The following ACACA variants were observed in gnomAD, a reference collection of about 807,000 sequenced individuals.
ACACA encodes acetyl-CoA carboxylase 1.
ACACA carries 103 observed loss-of-function variants against 296.1 expected under a neutral mutation model. That is an observed-to-expected ratio of 0.35 (90% confidence interval 0.30 to 0.41). ACACA has a LOEUF of 0.41. Ranked by LOEUF, ACACA falls within the 10% of genes least tolerant of loss-of-function variation. The pLI, the probability that ACACA is intolerant of heterozygous loss-of-function variation, is 1.00. For missense variants in ACACA, 1,554 were observed against 2,989.7 expected (o/e 0.52, Z 11.20); for synonymous variants, 953 against 1,038.6 (o/e 0.92, Z 1.58).
chr17:37,336,002 T>G (rs1323995081), intron 2 of ACACA, among the ~76,000 whole-genome samples: 1 of 152,110 alleles, frequency 6.6e-6, no homozygotes, highest in African/African-American at 2.4e-5. Flanking sequence ...AGCCAATGGA[T>G]GCCCTGGATT....
In ACACA at chr17:37,283,320, C is replaced by T. The variant is rs1373213430; in HGVS notation, c.557G>A (p.Arg186His). ...RWSYEMFRNE[R>H]AIRFVVMVTP... ...GACCATGACAACGAATCTAATTGCA[C>T]GTTCATTTCGAAACATTTCATAAGA... Residue 186 changes from arginine (R) to histidine (H), a missense_variant, in exon 5 of 56, where the codon CGT becomes CAT. Coordinates refer to ENST00000616317, the MANE Select transcript of ACACA (RefSeq NM_198834.3). 1 of 1,614,066 alleles carries T rather than the reference C, an allele frequency of 6.2e-7. No homozygotes were observed. Among genetic ancestry groups the T allele is most frequent in the Admixed American group, 1.7e-5 (1 of 60,008 alleles).
intron 48 of ACACA, chr17:37,122,930 T>C (rs2074598809): frequency 2.1e-6 from 1 of 476,408 alleles, no homozygotes; most frequent in South Asian, 2.1e-5. Context: ...CTAGCACATA[T>C]ACACATCCCT....
In ACACA at chr17:37,364,391, C is replaced by T. The variant is rs1033229870; in HGVS notation, c.39-24541G>A. ...GGCGGATCACCTGAGGTCAGGAGTT[C>T]GAGACCAGGCTGGCCAACGTGGCAA... On this transcript the variant is annotated intron_variant, in intron 1 of 55. Transcript: ENST00000616317. 2.0e-5 allele frequency among the ~76,000 whole-genome samples: 3 copies of T among 152,078 alleles called. No homozygotes were observed. The East Asian group carries it at 5.8e-4, about 29-fold the overall frequency.
At chr17:37,250,170 T>G (rs188606813) in intron 16 of ACACA, among the ~76,000 whole-genome samples, 14 of 152,332 alleles carry the variant, frequency 9.2e-5, no homozygotes, top group African/African-American at 3.4e-4. Flanking sequence ...ATATATATGT[T>G]CATGTAAGTT....
intron 1 of ACACA, among the ~76,000 whole-genome samples, chr17:37,393,474 CT>C (rs1435265124): frequency 6.6e-6 from 1 of 152,100 alleles, no homozygotes; most frequent in Non-Finnish European, 1.5e-5. Context: ...CTGAATGTCC[CT>C]TAATCCTGAA....
intron 1 of ACACA, among the ~76,000 whole-genome samples, chr17:37,381,874 G>A (rs755141492): frequency 2.2e-4 from 33 of 151,392 alleles, no homozygotes; most frequent in Admixed American, 7.2e-4. Flanking sequence ...TGATCTGCCC[G>A]CCTTGGCCTC....
chr17:37,215,943 A>G (rs1256019514), intron 29 of ACACA, among the ~76,000 whole-genome samples: 1 of 152,080 alleles, frequency 6.6e-6, no homozygotes, highest in Non-Finnish European at 1.5e-5. Flanking sequence ...CTGCACAATA[A>G]TAAAATGCTC....
chr17:37,352,999 T>C (rs1314770656), intron 1 of ACACA, among the ~76,000 whole-genome samples: 1 of 152,206 alleles, frequency 6.6e-6, no homozygotes, highest in African/African-American at 2.4e-5. Flanking sequence ...TGCCTATCGT[T>C]GGAAACTTTC....
In ACACA at chr17:37,097,659, A is replaced by G. The variant is rs888551321; in HGVS notation, c.6720+171T>C. 7.2e-5 allele frequency among the ~76,000 whole-genome samples: 11 copies of G among 152,234 alleles called. No individual in the cohort carries two copies. The highest frequency in any genetic ancestry group is 6.5e-5 in the Admixed American group (1 of 15,284). ...CTAAATTATACATTGTTTTAAGATG[A>G]TAACAGTTACAGAAACAGTGAAAAT... On this transcript the variant is annotated intron_variant, in intron 53 of 55. Transcript: ENST00000616317. The surrounding 1 kb of genome is among the most constrained non-coding windows in gnomAD (Gnocchi z 4.8).
chr17:37,297,109 T>C (rs2146822253), intron 3 of ACACA, among the ~76,000 whole-genome samples: 1 of 152,190 alleles, frequency 6.6e-6, no homozygotes, highest in South Asian at 2.1e-4. Flanking sequence ...TCTATATGTA[T>C]AGCCATGAGG....
At chr17:37,214,971 C>T (rs571513353) in intron 29 of ACACA, among the ~76,000 whole-genome samples, 1 of 152,090 alleles carries the variant, frequency 6.6e-6, no homozygotes, top group Non-Finnish European at 1.5e-5. Context: ...CAGTTGGCTA[C>T]CAATTAGTCA....
intron 45 of ACACA, among the ~76,000 whole-genome samples, chr17:37,133,791 C>A (rs531390271): frequency 2.9e-4 from 44 of 152,320 alleles, no homozygotes; most frequent in Admixed American, 5.2e-4. Flanking sequence ...CATTTAAACA[C>A]AGGAGTGAGT....
chr17:37,216,208 G>GTA (rs71159696), intron 29 of ACACA, among the ~76,000 whole-genome samples: 14,453 of 143,880 alleles, frequency 0.1, 961 homozygotes, highest in African/African-American at 0.19. Context: ...GTGTGTGTGT[G>GTA]TATATATATA....
intron 11 of ACACA, among the ~76,000 whole-genome samples, chr17:37,260,613 A>G (rs555070462): frequency 6.6e-6 from 1 of 152,126 alleles, no homozygotes; most frequent in South Asian, 2.1e-4. Flanking sequence ...CCTAAGTCAT[A>G]TTTTGAAAAG....
In ACACA at chr17:37,113,230, T is replaced by C; in HGVS notation, c.6310A>G (p.Ile2104Val). The change falls in exon 51 of 56, where the codon ATT (isoleucine) becomes GTT (valine). Residue 2104 changes from isoleucine to valine, a missense_variant. Coordinates refer to ENST00000616317, the MANE Select transcript of ACACA (RefSeq NM_198834.3). This position sits in a 1 kb window ranked among gnomAD's most constrained non-coding sequence, Gnocchi z 4.0. ...YDQVLKFGAY[I>V]VDGLRECCQP... ...CAGCACTCCCTCAAGCCATCCACAATGTAAGCACCAAACTTCAGCACTTGG... is the reference window on the plus strand; with the variant it reads ...CAGCACTCCCTCAAGCCATCCACAACGTAAGCACCAAACTTCAGCACTTGG... 1 of 1,614,202 alleles carries C rather than the reference T, an allele frequency of 6.2e-7. No individual in the cohort carries two copies. Among genetic ancestry groups the C allele is most frequent in the Non-Finnish European group, 8.5e-7 (1 of 1,180,024 alleles).
chr17:37,362,339 G>T (rs183877974), intron 1 of ACACA, among the ~76,000 whole-genome samples: 254 of 152,296 alleles, frequency 1.7e-3, no homozygotes, highest in Non-Finnish European at 3.0e-3. Context: ...GAGCATCCCA[G>T]CTACCTTCCA....
At chr17:37,176,197 T>C (rs907717460) in intron 41 of ACACA, among the ~76,000 whole-genome samples, 4 of 152,174 alleles carry the variant, frequency 2.6e-5, no homozygotes, top group Non-Finnish European at 5.9e-5. Flanking sequence ...GGGAAAACTC[T>C]GAAGGAATCT....
intron 41 of ACACA, among the ~76,000 whole-genome samples, chr17:37,164,958 G>A (rs1598032102): frequency 6.6e-6 from 1 of 152,028 alleles, no homozygotes; most frequent in Non-Finnish European, 1.5e-5. Flanking sequence ...TACTACCTGG[G>A]GACTCTAACT....
intron 3 of ACACA, among the ~76,000 whole-genome samples, chr17:37,316,664 C>T (rs1465470791): frequency 6.6e-6 from 1 of 152,162 alleles, no homozygotes; most frequent in African/African-American, 2.4e-5. Context: ...AAAAATAGAG[C>T]TTCCATATAA....
Sources: allele counts gnomAD v4.1 joint callset (sites outside exome capture counted in the v4.1 genomes callset), GRCh38; gene constraint gnomAD v4.1.1; non-coding constraint Gnocchi (gnomAD v3.1); transcripts MANE v1.5; gene names NCBI Gene and HGNC (gene_info 2026-07-23, HGNC 2026-07-21).